Variants in MAF observed in about 807,000 individuals in gnomAD.
MAF encodes MAF bZIP transcription factor.
In MAF, 10 loss-of-function variants were observed where a neutral mutation model predicts 22.0. The ratio of observed to expected loss-of-function variants is 0.45; its 90% CI spans 0.28 to 0.77. MAF has a LOEUF of 0.77. Ranked by LOEUF, MAF falls within the 30% of genes least tolerant of loss-of-function variation. MAF has a pLI of 0.12. For missense variants in MAF, 544 were observed against 548.4 expected, an observed-to-expected ratio of 0.99 and a Z score of 0.08; for synonymous variants, 337 against 255.8, an observed-to-expected ratio of 1.32 and a Z score of -3.03.
the MAF span, among the ~76,000 whole-genome samples, chr16:79,425,398 C>A: frequency 6.6e-6 from 1 of 152,100 alleles, no homozygotes; most frequent in South Asian, 2.1e-4. Context: ...TGCATGAAAA[C>A]ATCCGCAGAG....
At chr16:79,535,747 G>GCCA in the MAF span, among the ~76,000 whole-genome samples, 1 of 151,770 alleles carries the variant, frequency 6.6e-6, no homozygotes, top group African/African-American at 2.4e-5. Context: ...ACAGGCACGT[G>GCCA]CCACCATGCC....
chr16:79,520,140 G>A, the MAF span, among the ~76,000 whole-genome samples: 2 of 152,326 alleles, frequency 1.3e-5, no homozygotes, highest in African/African-American at 2.4e-5. Flanking sequence ...GCAGGCGCCT[G>A]CTAACTCTGC....
chr16:79,393,145 C>T, the MAF span, among the ~76,000 whole-genome samples: 2 of 152,316 alleles, frequency 1.3e-5, no homozygotes, highest in South Asian at 4.2e-4. Flanking sequence ...CACTTATTTC[C>T]TTTACATTAT....
the MAF span, among the ~76,000 whole-genome samples, chr16:79,251,992 G>T: frequency 6.6e-6 from 1 of 152,202 alleles, no homozygotes; most frequent in Non-Finnish European, 1.5e-5. Flanking sequence ...GAGTTATTCT[G>T]GTGTAAGGGA....
At chr16:79,314,276 C>T in the MAF span, among the ~76,000 whole-genome samples, 1 of 152,190 alleles carries the variant, frequency 6.6e-6, no homozygotes, top group Non-Finnish European at 1.5e-5. Context: ...TTTGAGGTGA[C>T]CTCCTCTTGG....
the MAF span, among the ~76,000 whole-genome samples, chr16:79,230,580 T>A: frequency 6.6e-6 from 1 of 152,128 alleles, no homozygotes; most frequent in South Asian, 2.1e-4. Context: ...TGAGCAACCT[T>A]CAGCACAACA....
the MAF span, among the ~76,000 whole-genome samples, chr16:79,280,676 G>A: frequency 2.0e-5 from 3 of 152,080 alleles, no homozygotes; most frequent in Non-Finnish European, 2.9e-5. Context: ...GGCCCCTGTG[G>A]GCTCAGGGTG....
the MAF span, among the ~76,000 whole-genome samples, chr16:79,496,379 G>C: frequency 6.6e-6 from 1 of 152,066 alleles, no homozygotes; most frequent in African/African-American, 2.4e-5. Context: ...GTAGGGTGAG[G>C]TTTTCTGGCA....
chr16:79,513,354 A>G, the MAF span, among the ~76,000 whole-genome samples: 3 of 152,234 alleles, frequency 2.0e-5, no homozygotes, highest in Non-Finnish European at 2.9e-5. Context: ...ACCTTGCAGA[A>G]TGTCAAGTTC....
chr16:79,485,880 A>T, the MAF span, among the ~76,000 whole-genome samples: 3 of 152,328 alleles, frequency 2.0e-5, no homozygotes, highest in Non-Finnish European at 4.4e-5. Context: ...GCAAATTAGC[A>T]GAAAGGACTT....
the MAF span, among the ~76,000 whole-genome samples, chr16:79,553,559 C>T: frequency 2.6e-5 from 4 of 152,336 alleles, no homozygotes; most frequent in Admixed American, 6.5e-5. Flanking sequence ...TCATCTCACC[C>T]GGAGCCTGTG....
the MAF span, among the ~76,000 whole-genome samples, chr16:79,365,656 T>C: frequency 5.3e-5 from 8 of 152,134 alleles, no homozygotes; most frequent in African/African-American, 1.9e-4. Flanking sequence ...TGTATGTGGA[T>C]TGGCTGGGAG....
the MAF span, among the ~76,000 whole-genome samples, chr16:79,577,919 G>T: frequency 6.6e-6 from 1 of 152,194 alleles, no homozygotes; most frequent in East Asian, 1.9e-4. Flanking sequence ...GACCTTTGCA[G>T]AAACTGAGCT....
At chr16:79,228,783 TG>T in the MAF span, among the ~76,000 whole-genome samples, 3 of 151,012 alleles carry the variant, frequency 2.0e-5, no homozygotes, top group Admixed American at 2.0e-4. Flanking sequence ...ATAATGGTGG[TG>T]GGGGGTTAGG....
chr16:79,371,888 C>T, the MAF span, among the ~76,000 whole-genome samples: 5 of 152,326 alleles, frequency 3.3e-5, no homozygotes, highest in Admixed American at 3.3e-4. Context: ...TAAACTCTGC[C>T]TGTTGGTAGG....
the MAF span, among the ~76,000 whole-genome samples, chr16:79,328,203 C>T: frequency 1.4e-4 from 21 of 152,054 alleles, 1 homozygote; most frequent in Admixed American, 1.0e-3. Context: ...ATTTTTTCTT[C>T]GCTTATTTTC....
the MAF span, among the ~76,000 whole-genome samples, chr16:79,463,393 G>A: frequency 6.6e-6 from 1 of 152,188 alleles, no homozygotes; most frequent in Non-Finnish European, 1.5e-5. Flanking sequence ...TGCCCTGAAA[G>A]TTTCCCTTCC....
chr16:79,248,976 A>C, the MAF span, among the ~76,000 whole-genome samples: 1 of 152,168 alleles, frequency 6.6e-6, no homozygotes, highest in Admixed American at 6.5e-5. Flanking sequence ...CTCAGAATGC[A>C]CTTAACCCCT....
the MAF span, among the ~76,000 whole-genome samples, chr16:79,473,750 G>A: frequency 1.3e-5 from 2 of 152,088 alleles, no homozygotes; most frequent in Non-Finnish European, 2.9e-5. Context: ...TAACCGTATC[G>A]CAAGCTCTGC....
Sources: gnomAD v4.1 joint callset for allele counts (sites outside exome capture counted in the v4.1 genomes callset) on GRCh38, gnomAD v4.1.1 for gene constraint, MANE v1.5 for transcripts, NCBI Gene and HGNC (gene_info 2026-07-23, HGNC 2026-07-21) for gene names.